DNAJB14: variants seen among roughly 807,000 people sequenced by gnomAD.
The protein encoded by DNAJB14 is DnaJ heat shock protein family (Hsp40) member B14.
In DNAJB14, 22 loss-of-function variants were observed where a neutral mutation model predicts 48.4. The ratio of observed to expected loss-of-function variants is 0.45; its 90% CI spans 0.32 to 0.65. DNAJB14 has a LOEUF of 0.65. DNAJB14 is among the 30% of genes least tolerant of loss of function. DNAJB14 has a pLI of 0.03. For synonymous variants in DNAJB14, 142 were observed against 158.7 expected, an observed-to-expected ratio of 0.89 and a Z score of 0.79; for missense variants, 319 against 458.8, an observed-to-expected ratio of 0.70 and a Z score of 2.78.
At chr4:99,934,789 CAAAAAAAAA>C (rs1167945149) in intron 1 of DNAJB14, among the ~76,000 whole-genome samples, 3 of 6,776 alleles carry the variant, frequency 4.4e-4, no homozygotes, top group African/African-American at 1.2e-3. Context: ...AAGACTGTCT[CAAAAAAAAA>C]AAAAAAAAAA....
At chr4:99,924,789 T>C (rs753554381) in intron 2 of DNAJB14, 11 of 1,603,314 alleles carry the variant, frequency 6.9e-6, no homozygotes, top group Admixed American at 3.3e-5. Context: ...CACCATCCCA[T>C]ATCAATGTTC....
At chr4:99,928,575 T>C (rs1304628120) in intron 2 of DNAJB14, 1 of 446,394 alleles carries the variant, frequency 2.2e-6, no homozygotes, top group Non-Finnish European at 4.5e-6. Flanking sequence ...CTTCCTTCCT[T>C]ATTTCTACCA....
chr4:99,931,594 A>G (rs907499345), intron 1 of DNAJB14, among the ~76,000 whole-genome samples: 1 of 152,106 alleles, frequency 6.6e-6, no homozygotes, highest in Non-Finnish European at 1.5e-5. Flanking sequence ...TTGAGGATAC[A>G]GATGACTTAG....
At chr4:99,938,097 CAAAAAAAAAAAAAAAA>C (rs59597113) in intron 1 of DNAJB14, among the ~76,000 whole-genome samples, 11 of 40,978 alleles carry the variant, frequency 2.7e-4, no homozygotes, top group African/African-American at 6.3e-4. Flanking sequence ...GTTAAAAATA[CAAAAAAAAAAAAAAAA>C]AAAAAAAAAA....
chr4:99,943,130 T>A (rs138066538), intron 1 of DNAJB14, among the ~76,000 whole-genome samples: 1 of 152,270 alleles, frequency 6.6e-6, no homozygotes, highest in African/African-American at 2.4e-5. Context: ...TTATTTCAGC[T>A]CACATAAATC....
chr4:99,924,983 T>C, intron 2 of DNAJB14: 1 of 601,796 alleles, frequency 1.7e-6, no homozygotes, highest in Non-Finnish European at 2.9e-6. Flanking sequence ...TGTAGAAATG[T>C]TACTATTTGT....
chr4:99,910,150 GCTT>G (rs1377722126), intron 3 of DNAJB14, among the ~76,000 whole-genome samples: 3 of 151,932 alleles, frequency 2.0e-5, no homozygotes, highest in African/African-American at 2.4e-5. Flanking sequence ...TTCTAATCGA[GCTT>G]CTTAAAACTG....
chr4:99,905,849 G>A, intron 5 of DNAJB14, 143 bp from the exon 6 acceptor site: 1 of 1,253,110 alleles, frequency 8.0e-7, no homozygotes, highest in Non-Finnish European at 1.1e-6. Context: ...CATGCCAATA[G>A]GATGATTCTT....
intron 2 of DNAJB14, chr4:99,928,852 T>C (rs1726354707): frequency 6.5e-6 from 1 of 153,748 alleles, no homozygotes; most frequent in African/African-American, 2.4e-5. Context: ...TGTTTTAGGA[T>C]GTGGTTTCCA....
intron 3 of DNAJB14, among the ~76,000 whole-genome samples, chr4:99,914,707 A>T (rs1725789611): frequency 1.3e-5 from 2 of 152,200 alleles, no homozygotes; most frequent in South Asian, 4.1e-4. Flanking sequence ...TACCCAAACC[A>T]CAGCAATTTC....
chr4:99,910,931 A>G (rs1476196476), intron 3 of DNAJB14, among the ~76,000 whole-genome samples: 1 of 152,036 alleles, frequency 6.6e-6, no homozygotes. Flanking sequence ...TTATCTTACA[A>G]TATCACAAAC....
At chr4:99,941,450 C>T (rs763092223) in intron 1 of DNAJB14, among the ~76,000 whole-genome samples, 1 of 152,116 alleles carries the variant, frequency 6.6e-6, no homozygotes, top group Non-Finnish European at 1.5e-5. Flanking sequence ...AGAAATAATA[C>T]ATGACATGCT....
intron 5 of DNAJB14, chr4:99,906,117 C>G: frequency 7.6e-7 from 1 of 1,313,778 alleles, no homozygotes; most frequent in Non-Finnish European, 9.9e-7. Context: ...GTCTAGTGCT[C>G]TTTCCATTTA....
At chr4:99,902,628 A>G (rs1368939607) in intron 7 of DNAJB14, among the ~76,000 whole-genome samples, 1 of 133,364 alleles carries the variant, frequency 7.5e-6, no homozygotes, top group African/African-American at 2.6e-5. Context: ...AGATGATGAT[A>G]ATTGCTGACA....
intron 2 of DNAJB14, chr4:99,926,725 A>T (rs1726268417): frequency 6.6e-6 from 1 of 152,036 alleles, no homozygotes; most frequent in Non-Finnish European, 1.5e-5. Context: ...AAAGCTAAGA[A>T]TTGCCACAGA....
intron 1 of DNAJB14, 36 bp downstream of exon 1, chr4:99,946,403 G>A (rs1398905666): frequency 2.5e-6 from 4 of 1,585,966 alleles, no homozygotes; most frequent in Non-Finnish European, 3.4e-6. Context: ...GTGGTCTGGG[G>A]ATTGGGCAGG....
chr4:99,911,366 G>T (rs368415322), intron 3 of DNAJB14, among the ~76,000 whole-genome samples: 5 of 152,176 alleles, frequency 3.3e-5, no homozygotes, highest in African/African-American at 1.2e-4. Context: ...TCATGTACAG[G>T]ATTAGGTGTA....
At position 99,900,983 on chromosome 4, in the gene DNAJB14, G is replaced by A; in HGVS notation, c.*45C>T. ...CATGATGAAACCAAACTTACTTACA[G>A]AAAAAATAAAGAGTACGCTAAAAGG... On this transcript the variant is annotated 3_prime_UTR_variant, in exon 8 of 8. Transcript: ENST00000442697. The A allele has an allele frequency of 1.3e-6, 2 of 1,566,406 alleles. No homozygotes were observed. Among genetic ancestry groups the A allele is most frequent in the Non-Finnish European group, 1.7e-6 (2 of 1,161,056 alleles).
Position 99,923,024 on chromosome 4 carries a change from A to G in DNAJB14, c.451+16T>C, listed in dbSNP as rs1345702267. On this transcript the variant is annotated intron_variant, in intron 3 of 7. Coordinates refer to ENST00000442697, the MANE Select transcript of DNAJB14 (RefSeq NM_001031723.4). ...AAAGACAGCTTAGTAAAATTGCTTTAAAAGGTTTACTTTACTTTTAAAAGC... is the reference window on the plus strand; with the variant it reads ...AAAGACAGCTTAGTAAAATTGCTTTGAAAGGTTTACTTTACTTTTAAAAGC... The G allele has an allele frequency of 1.9e-6, 3 of 1,586,750 alleles. No individual in the cohort carries two copies. The African/African-American group carries it at 4.1e-5, about 22-fold the overall frequency.
Sources: allele counts gnomAD v4.1 joint callset (sites outside exome capture counted in the v4.1 genomes callset), GRCh38; gene constraint gnomAD v4.1.1; transcripts MANE v1.5; gene names NCBI Gene and HGNC (gene_info 2026-07-23, HGNC 2026-07-21).